Variants in MAMSTR observed in about 807,000 individuals in gnomAD.
MAMSTR encodes the protein MEF2-activating motif and SAP domain-containing transcriptional regulator.
MAMSTR carries 41 observed loss-of-function variants against 42.7 expected under a neutral mutation model. The ratio of observed to expected loss-of-function variants is 0.96; its 90% CI spans 0.75 to 1.25. The LOEUF (loss-of-function observed/expected upper bound fraction) is 1.25, where lower values mean the gene tolerates loss of function less well. Ranked by LOEUF, MAMSTR falls within the 50% of genes most tolerant of loss-of-function variation. The probability of loss-of-function intolerance (pLI) is 0.00; values close to 1 mark genes in which losing one functional copy is unlikely to be tolerated. For synonymous variants in MAMSTR, 265 were observed against 244.1 expected (o/e 1.09, Z -0.80); for missense variants, 567 against 557.6 (o/e 1.02, Z -0.17).
intron 2 of MAMSTR, chr19:48,717,064 C>T (rs1347129184): frequency 3.7e-5 from 34 of 928,138 alleles, no homozygotes; most frequent in Non-Finnish European, 4.5e-5. Flanking sequence ...TGCGCAATCG[C>T]TATCTTGGCA....
chr19:48,713,888 T>C lies in MAMSTR; in HGVS notation c.881A>G (p.Glu294Gly). ...PGSAALTLEE[E>G]LQEAIRRAQL... The stretch of plus-strand genomic sequence containing the variant: ...CGCCCTCCGGATCGCTTCCTGCAGC[T>C]CCTCCTCCAGAGTCAGAGCCGCTGA... The change falls in exon 8 of 10, where the codon GAG (glutamate) becomes GGG (glycine). Residue 294 changes from glutamate (E) to glycine (G), a missense_variant. Transcript: ENST00000318083. The C allele has an allele frequency of 1.2e-6, 2 of 1,611,936 alleles. No individual in the cohort carries two copies. The highest frequency in any genetic ancestry group is 1.7e-6 in the Non-Finnish European group (2 of 1,178,478).
chr19:48,714,057 A>G lies in MAMSTR; in HGVS notation c.724-12T>C. The stretch of plus-strand genomic sequence containing the variant: ...GCGCTGGGCTTGACCTAGAGCAGCC[A>G]AGAGGGCGAGCGCCCATAAGCCATG... On this transcript the variant is annotated splice_polypyrimidine_tract_variant and intron_variant, in intron 7 of 9. Transcript: ENST00000318083. The G allele has an allele frequency of 6.4e-7, 1 of 1,561,576 alleles. No individual in the cohort carries two copies. The highest frequency in any genetic ancestry group is 8.7e-7 in the Non-Finnish European group (1 of 1,154,302).
In MAMSTR at chr19:48,714,429, G is replaced by C. The variant is rs2032897484; in HGVS notation, c.660C>G (p.Pro220=). 4 of 1,383,726 alleles carry C rather than the reference G, an allele frequency of 2.9e-6. No homozygotes were observed. The highest frequency in any genetic ancestry group is 3.7e-6 in the Non-Finnish European group (4 of 1,080,328). 85.7% of individuals were successfully genotyped at this position (1,383,726 alleles called of 1,614,324 possible). Residue 220 remains proline (P), a synonymous_variant, in exon 7 of 10, where the codon CCC becomes CCG. Transcript: ENST00000318083. ...ERPKPRREDS[P]AGAPWPRLKP... ...TGAGGCGCGGCCAGGGAGCACCCGC[G>C]GGACTGTCCTCGCGCCGCGGCTTCG...
chr19:48,717,434 TCTC>T (rs1446411538), intron 2 of MAMSTR, among the ~76,000 whole-genome samples: 1 of 150,838 alleles, frequency 6.6e-6, no homozygotes, highest in African/African-American at 2.4e-5. Flanking sequence ...CCCACCTAAG[TCTC>T]CTGAGTACCT....
chr19:48,713,883 G>A lies in MAMSTR; in HGVS notation c.886C>T (p.Gln296Ter). The A allele has an allele frequency of 6.2e-7, 1 of 1,612,232 alleles. No individual in the cohort carries two copies. Among genetic ancestry groups the A allele is most frequent in the Non-Finnish European group, 8.5e-7 (1 of 1,178,678 alleles). ...SAALTLEEEL[Q>*]EAIRRAQLLP... ...ACCTGCGCCCTCCGGATCGCTTCCT[G>A]CAGCTCCTCCTCCAGAGTCAGAGCC... Residue 296 changes from glutamine to a stop codon, truncating the protein, a stop_gained, in exon 8 of 10, where the codon CAG becomes TAG. Transcript: ENST00000318083. LOFTEE classifies it high-confidence loss of function.
intron 5 of MAMSTR, 84 bp downstream of exon 5, chr19:48,715,178 C>T: frequency 7.6e-7 from 1 of 1,316,978 alleles, no homozygotes; most frequent in Non-Finnish European, 1.1e-6. Flanking sequence ...CCCCAATCCC[C>T]TAATCTTGGA....
chr19:48,716,895 G>T (rs1035347333), intron 2 of MAMSTR, 152 bp from the exon 3 acceptor site: 3 of 1,217,970 alleles, frequency 2.5e-6, no homozygotes, highest in Non-Finnish European at 2.1e-6. Context: ...CGGGCAGCAG[G>T]CTCCCTTCCT....
chr19:48,713,294 C>G lies in MAMSTR; in HGVS notation c.1221G>C (p.Leu407=), dbSNP rs373915683. ...ADLSDSSSSR[L]WDLLEDPW is the part of the protein sequence containing the mutation. The stretch of plus-strand genomic sequence containing the variant: ...ACCATGGATCCTCCAGCAGGTCCCA[C>G]AGCCGGCTGCTGCTGGAGTCAGATA... The change falls in exon 10 of 10, where the codon CTG becomes CTC. Residue 407 remains leucine (L), a synonymous_variant. Transcript: ENST00000318083. 1.1e-5 allele frequency: 17 copies of G among 1,603,478 alleles called. No individual in the cohort carries two copies. In the East Asian group the frequency reaches 3.8e-4, roughly 36 times the overall value.
At position 48,713,871 on chromosome 19, in the gene MAMSTR, G is replaced by C; in HGVS notation, c.898C>G (p.Arg300Gly). 6.2e-7 allele frequency: 1 copy of C among 1,612,670 alleles called. No homozygotes were observed. ...CCACACCCTCTTACCTGCGCCCTCC[G>C]GATCGCTTCCTGCAGCTCCTCCTCC... ...TLEEELQEAI[R>G]RAQLLPNRGI... Residue 300 changes from arginine (R) to glycine (G), a missense_variant, in exon 8 of 10, where the codon CGG (arginine) becomes GGG (glycine). Physicochemically the swap from Arg to Gly is moderately radical, Grantham distance 125. Transcript: ENST00000318083.
At chr19:48,710,795 G>T (rs113183694), downstream of MAMSTR, among the ~76,000 whole-genome samples, 5,963 of 151,582 alleles carry the variant, frequency 0.039, 397 homozygotes, top group African/African-American at 0.13. Flanking sequence ...CACCATATTG[G>T]TCAGGCTAGT....
At chr19:48,707,853 A>AAGAAAGAAAG (rs2032669456), downstream of MAMSTR, among the ~76,000 whole-genome samples, 1 of 105,080 alleles carries the variant, frequency 9.5e-6, no homozygotes, top group African/African-American at 4.0e-5. Flanking sequence ...GAAAGAAAGA[A>AAGAAAGAAAG]AGAAAGAAAG....
In MAMSTR at chr19:48,714,395, C is replaced by T. The variant is rs778781074; in HGVS notation, c.694G>A (p.Ala232Thr). Reference protein sequence around the residue: ...GAPWPRLKPKALAAARRQGSV... With the variant: ...GAPWPRLKPKTLAAARRQGSV... The stretch of plus-strand genomic sequence containing the variant: ...CCCTGACGCCGGGCGGCTGCCAGGG[C>T]CTTGGGCTTGAGGCGCGGCCAGGGA... Residue 232 changes from alanine (A) to threonine (T), a missense_variant, in exon 7 of 10, where the codon GCC becomes ACC. By Grantham distance (58) the Ala-to-Thr change is moderately conservative. Coordinates refer to ENST00000318083, the MANE Select transcript of MAMSTR (RefSeq NM_001130915.2). The T allele has an allele frequency of 2.2e-6, 3 of 1,386,006 alleles. No individual in the cohort carries two copies. The highest frequency in any genetic ancestry group is 1.9e-6 in the Non-Finnish European group (2 of 1,078,598). The allele number at this position is 1,386,006 out of a possible 1,614,324, so 85.9% of individuals were successfully genotyped here.
chr19:48,718,205 ATC>A (rs1178463184), intron 2 of MAMSTR, among the ~76,000 whole-genome samples: 1 of 151,978 alleles, frequency 6.6e-6, no homozygotes. Context: ...GGGAGCAAGG[ATC>A]TCTCTGCACA....
rs957485718 is a variant in MAMSTR, at chr19:48,713,552, T to G, written c.965-2A>C. The G allele has an allele frequency of 2.5e-6, 4 of 1,609,292 alleles. No homozygotes were observed. The highest frequency in any genetic ancestry group is 2.5e-6 in the Non-Finnish European group (3 of 1,178,146). On this transcript the variant is annotated splice_acceptor_variant, in intron 9 of 9. Coordinates refer to ENST00000318083, the MANE Select transcript of MAMSTR (RefSeq NM_001130915.2). LOFTEE classifies it high-confidence loss of function. ...CCAGGGGAATAGGGGGCAGGGGGTC[T>G]GCGGGATAAAGAATGGTACATGAGC... is the stretch of plus-strand genomic sequence containing the variant.
Position 48,713,863 on chromosome 19 carries a change from C to CG in MAMSTR, c.905dup (p.Gln303AlafsTer5), listed in dbSNP as rs781621130. 1 of 1,613,170 alleles carries CG rather than the reference C, an allele frequency of 6.2e-7. No individual in the cohort carries two copies. On this transcript the variant is annotated frameshift_variant, in exon 8 of 10. Coordinates refer to ENST00000318083, the MANE Select transcript of MAMSTR (RefSeq NM_001130915.2). LOFTEE classifies it high-confidence loss of function. Reference sequence around the variant, plus strand: ...GATTCAACCCACACCCTCTTACCTGCGCCCTCCGGATCGCTTCCTGCAGCT... The same window carrying CG: ...GATTCAACCCACACCCTCTTACCTGCGGCCCTCCGGATCGCTTCCTGCAGCT...
chr19:48,713,445 G>A lies in MAMSTR; in HGVS notation c.1070C>T (p.Ser357Phe). The change falls in exon 10 of 10, where the codon TCT becomes TTT. Residue 357 changes from serine (S) to phenylalanine (F), a missense_variant. Transcript: ENST00000318083. ...LSSVFSSSLP[S>F]PTNSSSPSPR... ...AGAAGGGGAGGAGGAGTTCGTGGGA[G>A]ACGGGAGTGAAGAGGAGAAAACAGA... 3 of 1,612,992 alleles carry A rather than the reference G, an allele frequency of 1.9e-6. No individual in the cohort carries two copies. The highest frequency in any genetic ancestry group is 2.5e-6 in the Non-Finnish European group (3 of 1,179,666).
At chr19:48,708,231 CAAAA>C (rs66744711), downstream of MAMSTR, among the ~76,000 whole-genome samples, 18 of 118,842 alleles carry the variant, frequency 1.5e-4, 1 homozygote, top group South Asian at 3.2e-3. Context: ...TGAACTCCAT[CAAAA>C]AAAAAAAAAA....
intron 2 of MAMSTR, 199 bp from the exon 3 acceptor site, chr19:48,716,942 C>T (rs910187255): frequency 2.5e-6 from 3 of 1,189,178 alleles, no homozygotes; most frequent in East Asian, 3.5e-5. Flanking sequence ...CGCAGCGCCG[C>T]GGGCCAGCGC....
At chr19:48,707,855 G>GAA (rs910957811), downstream of MAMSTR, among the ~76,000 whole-genome samples, 6 of 99,648 alleles carry the variant, frequency 6.0e-5, 1 homozygote, top group South Asian at 2.3e-3. Context: ...AAGAAAGAAA[G>GAA]AAAGAAAGAA....
Sources: gnomAD v4.1 joint callset for allele counts (sites outside exome capture counted in the v4.1 genomes callset) on GRCh38, gnomAD v4.1.1 for gene constraint, MANE v1.5 for transcripts, NCBI Gene and HGNC (gene_info 2026-07-23, HGNC 2026-07-21) for gene names.